Variants in PASK observed in about 807,000 individuals in gnomAD.
The protein encoded by PASK is PAS domain containing serine/threonine kinase, also known as PAS domain-containing serine/threonine-protein kinase.
A neutral mutation model predicts 121.0 loss-of-function variants in PASK; 110 were observed. The observed-to-expected ratio is 0.91, with a 90% CI of 0.78 to 1.06. The LOEUF is 1.06. Ranked by LOEUF, PASK falls within the 50% of genes least tolerant of loss-of-function variation. PASK has a pLI of 0.00. For synonymous variants in PASK, 686 were observed against 717.8 expected (o/e 0.96, Z 0.71); for missense variants, 1,643 against 1,702.3 (o/e 0.97, Z 0.61).
chr2:241,114,904 C>A (rs538088338), intron 14 of PASK, 139 bp downstream of exon 14: 44 of 1,561,368 alleles, frequency 2.8e-5, no homozygotes, highest in Middle Eastern at 2.1e-4. Flanking sequence ...AAATATATAT[C>A]CTACTCCATG....
At chr2:241,143,300 T>C (rs2066799115) in intron 1 of PASK, among the ~76,000 whole-genome samples, 1 of 152,064 alleles carries the variant, frequency 6.6e-6, no homozygotes, top group Non-Finnish European at 1.5e-5. Flanking sequence ...CCCAGCACTT[T>C]GGGAGGCTGA....
At chr2:241,149,868 GAGCC>G (rs2067203483), upstream of PASK, 3 of 1,454,564 alleles carry the variant, frequency 2.1e-6, no homozygotes, top group Admixed American at 2.6e-5. Flanking sequence ...TGGCGCCCCG[GAGCC>G]AGCCAGCTGG....
chr2:241,136,109 G>A (rs1390150221), intron 7 of PASK, 70 bp from the exon 8 acceptor site: 1 of 1,366,098 alleles, frequency 7.3e-7, no homozygotes, highest in Non-Finnish European at 1.0e-6. Flanking sequence ...GTCCCCCTGG[G>A]GGAGGAATGA....
At chr2:241,150,304 G>A, upstream of PASK, 1 of 1,334,352 alleles carries the variant, frequency 7.5e-7, no homozygotes, top group Non-Finnish European at 9.6e-7. Flanking sequence ...GAAATTACCT[G>A]CTCTGGGGGA....
chr2:241,118,936 G>T, intron 12 of PASK: 1 of 1,034,578 alleles, frequency 9.7e-7, no homozygotes, highest in Non-Finnish European at 1.2e-6. Context: ...CAGCACCCCA[G>T]TGAGTAAGCT....
chr2:241,115,061 C>T lies in PASK; in HGVS notation c.3315G>A (p.Ala1105=), dbSNP rs1181529287. Residue 1105 remains alanine (A), a synonymous_variant, in exon 14 of 18, where the codon GCG becomes GCA. Coordinates refer to ENST00000234040, the MANE Select transcript of PASK (RefSeq NM_015148.4). ...DRHPRLDEPL[A]SYIFRQLVSA... ...CTCTCACTTGTCGGAAGATGTAGCT[C>T]GCCAGGGGCTCATCCAGCCTGGGGT... is the stretch of plus-strand genomic sequence containing the variant. The T allele has an allele frequency of 5.6e-6, 9 of 1,614,134 alleles. No homozygotes were observed. The highest frequency in any genetic ancestry group is 5.3e-5 in the African/African-American group (4 of 75,038).
Position 241,122,865 on chromosome 2 carries a change from G to T in PASK, c.2939C>A (p.Pro980His). 2 of 1,614,130 alleles carry T rather than the reference G, an allele frequency of 1.2e-6. No individual in the cohort carries two copies. The highest frequency in any genetic ancestry group is 1.7e-6 in the Non-Finnish European group (2 of 1,179,972). Reference sequence around the variant, plus strand: ...CAACCCCTCCAGTTCCACAGCCTTGGGGGGCTCCTCAAACCAGGGTCTGGC... The same window carrying T: ...CAACCCCTCCAGTTCCACAGCCTTGTGGGGCTCCTCAAACCAGGGTCTGGC... ...LRARPWFEEP[P>H]KAVELEGLAA... is the part of the protein sequence containing the mutation. The change falls in exon 12 of 18, where the codon CCC becomes CAC. Residue 980 changes from proline to histidine, a missense_variant. By Grantham distance (77) the Pro-to-His change is moderately conservative. Around this residue, in one of 3 missense-constraint regions of PASK, gnomAD observed 453 missense variants for 511.2 expected, o/e 0.89. Transcript: ENST00000234040.
chr2:241,127,122 T>A lies in PASK; in HGVS notation c.1793A>T (p.Lys598Met), dbSNP rs747787560. The A allele has an allele frequency of 2.5e-6, 4 of 1,614,042 alleles. 1 individual carries two copies. The South Asian group carries it at 4.4e-5, about 18-fold the overall frequency. ...GAGGCTGCCCCCCGCCAGCTGACCC[T>A]TGGCCTGGGGCTTGGCCACGGCAGC... Reference protein sequence around the residue: ...AGAAVAKPQAKGQLAGGSLLM... With the variant: ...AGAAVAKPQAMGQLAGGSLLM... The change falls in exon 10 of 18, where the codon AAG becomes ATG. Residue 598 changes from lysine (K) to methionine (M), a missense_variant. By Grantham distance (95) the Lys-to-Met change is moderately conservative. Around this residue, in one of 3 missense-constraint regions of PASK, gnomAD observed 1,176 missense variants for 1,162.2 expected, o/e 1.01. Transcript: ENST00000234040.
rs59345329 is a variant in PASK, at chr2:241,144,348, T to C, written c.-42-1274A>G. 0.011 allele frequency among the ~76,000 whole-genome samples: 1,744 copies of C among 152,238 alleles called. 136 individuals carry two copies. The East Asian group carries it at 0.22, about 19-fold the overall frequency. ...AAAAAGAGCCCTTAAAGCAAGAAGA[T>C]TTCCTCTACTGGCAGGAAGCCCCCA... On this transcript the variant is annotated intron_variant, in intron 1 of 17. Transcript: ENST00000234040.
chr2:241,149,666 G>C (rs1032779748), upstream of PASK: 11 of 1,545,508 alleles, frequency 7.1e-6, no homozygotes, highest in Admixed American at 1.2e-4. Flanking sequence ...TCCGCCCCCG[G>C]GCCGGGCAGA....
chr2:241,107,469 T>G lies in PASK; in HGVS notation c.3698A>C (p.Gln1233Pro). The G allele has an allele frequency of 1.2e-6, 2 of 1,614,120 alleles. No individual in the cohort carries two copies. Among genetic ancestry groups the G allele is most frequent in the Non-Finnish European group, 1.7e-6 (2 of 1,179,968 alleles). ...ELMSLVSGLL[Q>P]PVPERRTTLE... ...GGTGGTGCGTCTCTCAGGGACTGGCTGCAGCAGCCCAGACACAAGGCTCAT... is the reference window on the plus strand; with the variant it reads ...GGTGGTGCGTCTCTCAGGGACTGGCGGCAGCAGCCCAGACACAAGGCTCAT... The change falls in exon 17 of 18, where the codon CAG (glutamine) becomes CCG (proline). Residue 1233 changes from glutamine (Q) to proline (P), a missense_variant. By Grantham distance (76) the Gln-to-Pro change is moderately conservative (BLOSUM62 -1). Coordinates refer to ENST00000234040, the MANE Select transcript of PASK (RefSeq NM_015148.4).
Position 241,122,725 on chromosome 2 carries a change from A to G in PASK, c.3072+7T>C. 6.2e-7 allele frequency: 1 copy of G among 1,613,620 alleles called. No individual in the cohort carries two copies. Among genetic ancestry groups the G allele is most frequent in the African/African-American group, 1.3e-5 (1 of 75,036 alleles). ...CCGGCGCCACTCCCCCCCCACAGCC[A>G]GGTTACCTCCTTGTTTTTTTCCTTG... On this transcript the variant is annotated splice_region_variant and intron_variant, in intron 12 of 17. Coordinates refer to ENST00000234040, the MANE Select transcript of PASK (RefSeq NM_015148.4).
rs959095851 is a variant in PASK at position 241,112,861 on chromosome 2, A to G, written c.3334-422T>C. The G allele has an allele frequency of 9.8e-6, 2 of 203,090 alleles. No individual in the cohort carries two copies. Among genetic ancestry groups the G allele is most frequent in the African/African-American group, 2.4e-5 (1 of 42,136 alleles). 12.6% of individuals were successfully genotyped at this position (203,090 alleles called of 1,614,324 possible). A position where few individuals can be genotyped will look rare whatever the true frequency, so the allele number is the denominator to read the frequency against. On this transcript the variant is annotated intron_variant, in intron 14 of 17. Transcript: ENST00000234040. This position sits in a 1 kb window ranked among gnomAD's most constrained non-coding sequence, Gnocchi z 5.2. ...GTTAAGTGGGAAGTACCCAAGAGAA[A>G]GCACCAAGTCGATAACCTCAGCTCA...
chr2:241,122,941 A>T (rs1175785691), intron 11 of PASK, 42 bp from the exon 12 acceptor site: 29 of 1,603,006 alleles, frequency 1.8e-5, no homozygotes, highest in Non-Finnish European at 2.4e-5. Context: ...ATGCAACTGC[A>T]CCGGGCAGAG....
chr2:241,143,522 G>C lies in PASK; in HGVS notation c.-42-448C>G, dbSNP rs531584998. On this transcript the variant is annotated intron_variant, in intron 1 of 17. Transcript: ENST00000234040. The stretch of plus-strand genomic sequence containing the variant: ...GCCGAGATCACACCACTGCACTCCA[G>C]CCTGGGCGATAGAGAGAGACTCCAT... Among the ~76,000 whole-genome samples the C allele has an allele frequency of 1.9e-4, 29 of 151,418 alleles. 1 individual carries two copies. In the South Asian group the frequency reaches 5.8e-3, roughly 31 times the overall value.
At chr2:241,121,470 A>G (rs572311833) in intron 12 of PASK, among the ~76,000 whole-genome samples, 1 of 152,370 alleles carries the variant, frequency 6.6e-6, no homozygotes, top group African/African-American at 2.4e-5. Context: ...AAAGCACAGA[A>G]ATATCCAGAA....
At chr2:241,140,146 A>G in intron 3 of PASK, 91 bp from the exon 4 acceptor site, 1 of 1,010,376 alleles carries the variant, frequency 9.9e-7, no homozygotes, top group Non-Finnish European at 1.5e-6. Context: ...TGCAGAAGCC[A>G]GCCTTTTCCT....
chr2:241,135,343 C>G (rs1182404357), intron 8 of PASK, among the ~76,000 whole-genome samples: 3 of 152,144 alleles, frequency 2.0e-5, no homozygotes, highest in Non-Finnish European at 4.4e-5. Context: ...TCCGAGCACC[C>G]TCAAGTCCCA....
In PASK at chr2:241,108,302, TG is replaced by T; in HGVS notation, c.3534-3del. ...ATCTCCAGCTCCGGCCCTCTGTAGC[TG>T]TGAGGAGGAGGAGGCATCAGGACGC... On this transcript the variant is annotated splice_polypyrimidine_tract_variant and splice_region_variant and intron_variant, in intron 15 of 17. Transcript: ENST00000234040. This position sits in a 1 kb window ranked among gnomAD's most constrained non-coding sequence, Gnocchi z 5.2. 6.2e-7 allele frequency: 1 copy of T among 1,613,866 alleles called. No homozygotes were observed. Among genetic ancestry groups the T allele is most frequent in the Non-Finnish European group, 8.5e-7 (1 of 1,179,862 alleles).
Sources: allele counts gnomAD v4.1 joint callset (sites outside exome capture counted in the v4.1 genomes callset), GRCh38; gene constraint gnomAD v4.1.1; regional missense constraint gnomAD v4.1.1; non-coding constraint Gnocchi (gnomAD v3.1); transcripts MANE v1.5; gene names NCBI Gene and HGNC (gene_info 2026-07-23, HGNC 2026-07-21).